Variants in MDGA2 observed in about 807,000 individuals in gnomAD.
MDGA2 encodes the protein MAM domain-containing glycosylphosphatidylinositol anchor protein 2.
MDGA2 carries 40 observed loss-of-function variants against 117.8 expected under a neutral mutation model. The observed-to-expected ratio is 0.34, with a 90% CI of 0.26 to 0.44. The LOEUF (loss-of-function observed/expected upper bound fraction) is 0.44. Among genes scored for constraint, MDGA2 ranks in the 20% least tolerant of loss-of-function variants. MDGA2 has a pLI of 1.00. For synonymous variants in MDGA2, 452 were observed against 439.0 expected, an observed-to-expected ratio of 1.03 and a Z score of -0.37; for missense variants, 1,123 against 1,250.6, an observed-to-expected ratio of 0.90 and a Z score of 1.54.
At chr14:47,547,572 G>C (rs2138769556) in intron 1 of MDGA2, among the ~76,000 whole-genome samples, 2 of 152,312 alleles carry the variant, frequency 1.3e-5, no homozygotes, top group African/African-American at 4.8e-5. Context: ...AGAGAAACTG[G>C]CTGCAGCTAA....
At chr14:47,125,418 T>C (rs1440808410) in intron 5 of MDGA2, among the ~76,000 whole-genome samples, 1 of 152,146 alleles carries the variant, frequency 6.6e-6, no homozygotes, top group Non-Finnish European at 1.5e-5. Flanking sequence ...AAAGGTTTTA[T>C]ACTGAAATTC....
At chr14:47,417,121 T>A (rs1892491336) in intron 1 of MDGA2, among the ~76,000 whole-genome samples, 1 of 152,224 alleles carries the variant, frequency 6.6e-6, no homozygotes, top group South Asian at 2.1e-4. Flanking sequence ...TTATCTGTGC[T>A]TTCTCATTCT....
chr14:46,991,364 T>G (rs1405099614), intron 8 of MDGA2, among the ~76,000 whole-genome samples: 2 of 152,128 alleles, frequency 1.3e-5, no homozygotes, highest in East Asian at 3.9e-4. Context: ...ACTTTTATTT[T>G]TAAGTACTGA....
intron 1 of MDGA2, among the ~76,000 whole-genome samples, chr14:47,673,546 C>T (rs188924911): frequency 2.9e-4 from 44 of 152,102 alleles, no homozygotes; most frequent in Admixed American, 2.0e-3. Flanking sequence ...CACCAGACCT[C>T]AAAAACACAG....
chr14:47,615,500 G>C (rs921934207), intron 1 of MDGA2, among the ~76,000 whole-genome samples: 4 of 152,176 alleles, frequency 2.6e-5, no homozygotes, highest in African/African-American at 7.2e-5. Flanking sequence ...TTAAAAGTCT[G>C]AAATGCGGAA....
chr14:47,276,738 A>G (rs1279393059), intron 2 of MDGA2, among the ~76,000 whole-genome samples: 1 of 152,200 alleles, frequency 6.6e-6, no homozygotes, highest in Non-Finnish European at 1.5e-5. Flanking sequence ...GGAGTGGTCA[A>G]TGAGTTTGGT....
At chr14:47,188,167 CTCTATCTGATAGTCATG>C (rs1884980251) in intron 3 of MDGA2, among the ~76,000 whole-genome samples, 2 of 152,040 alleles carry the variant, frequency 1.3e-5, no homozygotes, top group African/African-American at 4.8e-5. Context: ...CAATGATTGC[CTCTATCTGATAGTCATG>C]TCTTTGTATA....
At chr14:47,484,408 T>C (rs1395721571) in intron 1 of MDGA2, among the ~76,000 whole-genome samples, 1 of 152,158 alleles carries the variant, frequency 6.6e-6, no homozygotes, top group Non-Finnish European at 1.5e-5. Context: ...ATAATTGAAA[T>C]GAATAATTGC....
chr14:47,335,427 C>T (rs1212741578), intron 1 of MDGA2, among the ~76,000 whole-genome samples: 4 of 151,090 alleles, frequency 2.6e-5, no homozygotes, highest in African/African-American at 4.9e-5. Flanking sequence ...GATATGTAGG[C>T]GAAAAGCCTT....
At chr14:47,097,495 T>G (rs1244361293) in intron 5 of MDGA2, among the ~76,000 whole-genome samples, 1 of 152,000 alleles carries the variant, frequency 6.6e-6, no homozygotes, top group Non-Finnish European at 1.5e-5. Flanking sequence ...ACTGCAGATA[T>G]TCAGTCCTTG....
At chr14:47,608,997 C>T (rs1416891641) in intron 1 of MDGA2, among the ~76,000 whole-genome samples, 1 of 151,916 alleles carries the variant, frequency 6.6e-6, no homozygotes, top group Non-Finnish European at 1.5e-5. Flanking sequence ...GAGAAAAAAA[C>T]AAAAGTCTAG....
At chr14:47,516,926 C>A (rs922952752) in intron 1 of MDGA2, among the ~76,000 whole-genome samples, 6 of 151,822 alleles carry the variant, frequency 4.0e-5, no homozygotes, top group Non-Finnish European at 8.8e-5. Context: ...ATACTGTTAT[C>A]CATAAGAACA....
intron 1 of MDGA2, among the ~76,000 whole-genome samples, chr14:47,359,748 C>CAAAAAAAAAAA (rs71448198): frequency 4.5e-5 from 5 of 110,764 alleles, no homozygotes; most frequent in South Asian, 3.1e-4. Flanking sequence ...AAGACTGTCT[C>CAAAAAAAAAAA]AAAAAAAAAA....
At chr14:47,083,484 C>T (rs1890782612) in intron 6 of MDGA2, among the ~76,000 whole-genome samples, 1 of 151,894 alleles carries the variant, frequency 6.6e-6, no homozygotes, top group African/African-American at 2.4e-5. Flanking sequence ...AGAAGAAGTT[C>T]TTCATGTTAA....
intron 2 of MDGA2, among the ~76,000 whole-genome samples, chr14:47,223,621 T>C (rs1886376232): frequency 6.6e-6 from 1 of 152,122 alleles, no homozygotes; most frequent in South Asian, 2.1e-4. Flanking sequence ...CAGCTAAAAT[T>C]TGATAGTTAC....
intron 6 of MDGA2, among the ~76,000 whole-genome samples, chr14:47,079,865 G>A (rs557986956): frequency 6.6e-6 from 1 of 150,920 alleles, no homozygotes; most frequent in Admixed American, 6.6e-5. Context: ...CCGAGTAGCT[G>A]GGACTACAGG....
At chr14:46,954,191 C>CA (rs1426402540) in intron 9 of MDGA2, among the ~76,000 whole-genome samples, 2 of 151,942 alleles carry the variant, frequency 1.3e-5, no homozygotes, top group Non-Finnish European at 2.9e-5. Context: ...CTTTAGGTGG[C>CA]AAAAGCAACC....
chr14:46,921,655 A>G (rs1884137717), intron 9 of MDGA2, among the ~76,000 whole-genome samples: 1 of 152,010 alleles, frequency 6.6e-6, no homozygotes, highest in South Asian at 2.1e-4. Context: ...AAAAGTCTCA[A>G]ATGAGAGGAA....
intron 3 of MDGA2, among the ~76,000 whole-genome samples, chr14:47,158,245 A>G (rs894074425): frequency 3.9e-5 from 6 of 152,126 alleles, no homozygotes; most frequent in East Asian, 3.9e-4. Flanking sequence ...AGGCTATACC[A>G]TATCACCTAG....
Sources: allele counts gnomAD v4.1 joint callset (sites outside exome capture counted in the v4.1 genomes callset), GRCh38; gene constraint gnomAD v4.1.1; transcripts MANE v1.5; gene names NCBI Gene and HGNC (gene_info 2026-07-23, HGNC 2026-07-21).